COL25A1: variants seen among roughly 807,000 people sequenced by gnomAD.
The protein encoded by COL25A1 is collagen alpha-1(XXV) chain.
In COL25A1, 103 loss-of-function variants were observed where a neutral mutation model predicts 128.4. The ratio of observed to expected loss-of-function variants is 0.80; its 90% confidence interval spans 0.68 to 0.94. The LOEUF (loss-of-function observed/expected upper bound fraction) is 0.94. COL25A1 is among the 40% of genes least tolerant of loss of function. COL25A1 has a pLI of 0.00. For missense variants in COL25A1, 745 were observed against 840.0 expected (o/e 0.89, Z 1.40); for synonymous variants, 279 against 277.2 (o/e 1.01, Z -0.06).
intron 33 of COL25A1, among the ~76,000 whole-genome samples, chr4:108,826,313 G>A (rs913033556): frequency 3.9e-5 from 6 of 152,114 alleles, no homozygotes; most frequent in African/African-American, 4.8e-5. Flanking sequence ...CGAGAAGGGC[G>A]GATCACTTGA....
intron 3 of COL25A1, among the ~76,000 whole-genome samples, chr4:109,290,827 C>T (rs1724400851): frequency 6.6e-6 from 1 of 152,084 alleles, no homozygotes; most frequent in Admixed American, 6.6e-5. Context: ...GGACTACATT[C>T]AAAGCCATCC....
At chr4:108,927,495 G>GT (rs5860956) in intron 11 of COL25A1, among the ~76,000 whole-genome samples, 107,443 of 152,052 alleles carry the variant, frequency 0.71, 39,401 homozygotes, top group East Asian at 1. Context: ...AGAGTTCCCA[G>GT]TTTGAGGCAG....
At chr4:108,832,159 G>A (rs1282933510) in intron 32 of COL25A1, among the ~76,000 whole-genome samples, 1 of 152,164 alleles carries the variant, frequency 6.6e-6, no homozygotes. Context: ...CTATGTAAAT[G>A]TATGTATTGT....
At chr4:109,270,303 CTGT>C (rs1782106595) in intron 3 of COL25A1, among the ~76,000 whole-genome samples, 1 of 152,158 alleles carries the variant, frequency 6.6e-6, no homozygotes, top group Admixed American at 6.5e-5. Context: ...GATGACATGA[CTGT>C]ATATCTAGAA....
At chr4:109,071,952 A>G in intron 3 of COL25A1, among the ~76,000 whole-genome samples, 1 of 152,260 alleles carries the variant, frequency 6.6e-6, no homozygotes, top group Non-Finnish European at 1.5e-5. Context: ...TACTGGGTAT[A>G]TACCCAAAGG....
At chr4:108,826,502 C>A (rs868051273) in intron 33 of COL25A1, among the ~76,000 whole-genome samples, 1 of 152,082 alleles carries the variant, frequency 6.6e-6, no homozygotes, top group Non-Finnish European at 1.5e-5. Flanking sequence ...CATGCCACTG[C>A]ACTCCAGCCT....
chr4:108,823,260 T>A (rs936294373), intron 35 of COL25A1, among the ~76,000 whole-genome samples: 1 of 152,150 alleles, frequency 6.6e-6, no homozygotes, highest in African/African-American at 2.4e-5. Flanking sequence ...CACTGTTCTA[T>A]TGAGGGATTG....
At chr4:108,965,363 A>T (rs1429435591) in intron 8 of COL25A1, among the ~76,000 whole-genome samples, 2 of 152,274 alleles carry the variant, frequency 1.3e-5, no homozygotes, top group Middle Eastern at 3.4e-3. Flanking sequence ...ATTTATCAGG[A>T]CTCTGTGTTA....
intron 35 of COL25A1, among the ~76,000 whole-genome samples, chr4:108,822,933 T>G (rs1731952378): frequency 6.6e-6 from 1 of 152,170 alleles, no homozygotes; most frequent in Non-Finnish European, 1.5e-5. Context: ...GTATAGCTCT[T>G]GGGAAAGCAC....
intron 11 of COL25A1, among the ~76,000 whole-genome samples, chr4:108,930,217 G>C (rs944601171): frequency 6.6e-6 from 1 of 152,108 alleles, no homozygotes; most frequent in African/African-American, 2.4e-5. Flanking sequence ...ACTTCCCTTA[G>C]ATCTGGCAAG....
intron 11 of COL25A1, among the ~76,000 whole-genome samples, chr4:108,922,655 C>G (rs1251358878): frequency 6.6e-6 from 1 of 152,158 alleles, no homozygotes. Context: ...CTAATCACAA[C>G]TCTGAAATTC....
At chr4:108,943,442 C>A (rs924601721) in intron 8 of COL25A1, among the ~76,000 whole-genome samples, 9 of 152,138 alleles carry the variant, frequency 5.9e-5, no homozygotes, top group African/African-American at 1.9e-4. Flanking sequence ...ATCAAAATTT[C>A]TCTCTCCAAT....
At chr4:109,130,574 G>C (rs1769098325) in intron 3 of COL25A1, among the ~76,000 whole-genome samples, 1 of 152,060 alleles carries the variant, frequency 6.6e-6, no homozygotes, top group South Asian at 2.1e-4. Context: ...AAGCAAACTA[G>C]AAAATAAGCT....
intron 8 of COL25A1, among the ~76,000 whole-genome samples, chr4:108,944,614 T>C (rs972845816): frequency 6.6e-6 from 1 of 152,170 alleles, no homozygotes; most frequent in African/African-American, 2.4e-5. Context: ...ATTTTGAAAT[T>C]TGAATGTGTA....
intron 3 of COL25A1, among the ~76,000 whole-genome samples, chr4:109,052,771 G>A (rs1296673409): frequency 6.6e-6 from 1 of 152,112 alleles, no homozygotes; most frequent in Non-Finnish European, 1.5e-5. Flanking sequence ...GATGAATTTG[G>A]CAATGGATAG....
chr4:108,987,227 T>C (rs1487665482), intron 6 of COL25A1, among the ~76,000 whole-genome samples: 1 of 152,168 alleles, frequency 6.6e-6, no homozygotes, highest in Admixed American at 6.6e-5. Context: ...GAGCCTCTCC[T>C]CCAGCCTGTC....
intron 31 of COL25A1, among the ~76,000 whole-genome samples, chr4:108,839,917 T>C (rs926228926): frequency 9.9e-5 from 15 of 152,158 alleles, no homozygotes; most frequent in African/African-American, 3.4e-4. Context: ...TTAGTCATTA[T>C]GACCAGGCTG....
chr4:109,069,864 T>C (rs954900053), intron 3 of COL25A1, among the ~76,000 whole-genome samples: 10 of 152,198 alleles, frequency 6.6e-5, no homozygotes, highest in Non-Finnish European at 8.8e-5. Flanking sequence ...GAAATAAGCA[T>C]ATGCTACTTA....
chr4:108,855,403 T>C lies in COL25A1; in HGVS notation c.1321-2478A>G, dbSNP rs534501686. ...CTTTTTTTTTGTTGTTCCTACAGTGTAGAGAAGTCATTTAAACAAGGCTAT... is the reference window on the plus strand; with the variant it reads ...CTTTTTTTTTGTTGTTCCTACAGTGCAGAGAAGTCATTTAAACAAGGCTAT... On this transcript the variant is annotated intron_variant, in intron 24 of 37. Coordinates refer to ENST00000399132, the MANE Select transcript of COL25A1 (RefSeq NM_198721.4). Among the ~76,000 whole-genome samples the C allele has an allele frequency of 5.8e-4, 88 of 151,952 alleles. 2 individuals are homozygous for C. Among genetic ancestry groups the C allele is most frequent in the Non-Finnish European group, 4.4e-5 (3 of 67,938 alleles).
Sources: gnomAD v4.1 joint callset for allele counts (sites outside exome capture counted in the v4.1 genomes callset) on GRCh38, gnomAD v4.1.1 for gene constraint, MANE v1.5 for transcripts, NCBI Gene and HGNC (gene_info 2026-07-23, HGNC 2026-07-21) for gene names.